ABLIM2: variants seen among roughly 807,000 people sequenced by gnomAD.
ABLIM2 encodes actin binding LIM protein family member 2, also known as actin-binding LIM protein 2.
ABLIM2 carries 53 observed loss-of-function variants against 97.7 expected under a neutral mutation model. The observed-to-expected ratio is 0.54, with a 90% confidence interval of 0.44 to 0.68. ABLIM2 has a LOEUF of 0.68. Ranked by LOEUF, ABLIM2 falls within the 30% of genes least tolerant of loss-of-function variation. The pLI is 0.00. For synonymous variants in ABLIM2, 361 were observed against 345.8 expected, an observed-to-expected ratio of 1.04 and a Z score of -0.49; for missense variants, 835 against 867.2, an observed-to-expected ratio of 0.96 and a Z score of 0.47.
chr4:8,076,578 C>T (rs1006301880), intron 6 of ABLIM2, among the ~76,000 whole-genome samples: 11 of 151,988 alleles, frequency 7.2e-5, no homozygotes, highest in Non-Finnish European at 1.5e-5. Flanking sequence ...GCAACCTCCT[C>T]GAGAGGGGCT....
intron 17 of ABLIM2, among the ~76,000 whole-genome samples, chr4:7,991,964 G>C (rs1749102364): frequency 6.6e-6 from 1 of 152,204 alleles, no homozygotes. Context: ...GCGCAACAAA[G>C]AGGGGGCCAG....
chr4:8,040,610 CA>C (rs58125904), intron 9 of ABLIM2, among the ~76,000 whole-genome samples: 36,671 of 132,228 alleles, frequency 0.28, 4,893 homozygotes, highest in East Asian at 0.48. Context: ...GACTCCATTT[CA>C]AAAAAAAAAA....
At chr4:8,142,770 A>G (rs1231552268) in intron 1 of ABLIM2, among the ~76,000 whole-genome samples, 2 of 152,192 alleles carry the variant, frequency 1.3e-5, no homozygotes, top group Non-Finnish European at 2.9e-5. Context: ...CACTTCCTGC[A>G]ATTGTGCAGC....
At chr4:8,073,177 T>C (rs572460748) in intron 6 of ABLIM2, among the ~76,000 whole-genome samples, 4 of 145,780 alleles carry the variant, frequency 2.7e-5, no homozygotes, top group African/African-American at 1.0e-4. Flanking sequence ...GAGGGGGCGA[T>C]GGCCAGAGCG....
At chr4:8,078,323 C>A (rs749855190) in intron 5 of ABLIM2, among the ~76,000 whole-genome samples, 1 of 152,232 alleles carries the variant, frequency 6.6e-6, no homozygotes, top group Non-Finnish European at 1.5e-5. Flanking sequence ...TGCACGTATG[C>A]GTCCATCCCC....
intron 14 of ABLIM2, among the ~76,000 whole-genome samples, chr4:8,017,914 A>G (rs760585480): frequency 2.0e-5 from 3 of 152,062 alleles, no homozygotes; most frequent in Non-Finnish European, 4.4e-5. Context: ...AATTGCTTGA[A>G]GCCAAGAGGC....
intron 7 of ABLIM2, among the ~76,000 whole-genome samples, chr4:8,059,451 C>T (rs1801438419): frequency 6.6e-6 from 1 of 152,052 alleles, no homozygotes. Context: ...ACCGGAAGTC[C>T]CTGGGTCTCT....
In ABLIM2 at chr4:8,147,779, G is replaced by A. The variant is rs924896043; in HGVS notation, c.10+10901C>T. 6.6e-6 allele frequency among the ~76,000 whole-genome samples: 1 copy of A among 152,228 alleles called. No individual in the cohort carries two copies. The highest frequency in any genetic ancestry group is 1.5e-5 in the Non-Finnish European group (1 of 68,044). ...TTGAACTGCTGGCCTCCAGAGCTGG[G>A]AGGAAATGCCTTCTCTTGCTTTAAG... On this transcript the variant is annotated intron_variant, in intron 1 of 20. Coordinates refer to ENST00000447017, the MANE Select transcript of ABLIM2 (RefSeq NM_001130083.2). This position sits in a 1 kb window ranked among gnomAD's most constrained non-coding sequence, Gnocchi z 5.3.
chr4:8,040,569 C>A (rs1560870558), intron 9 of ABLIM2, among the ~76,000 whole-genome samples: 1 of 151,594 alleles, frequency 6.6e-6, no homozygotes, highest in Non-Finnish European at 1.5e-5. Flanking sequence ...CAAGATCGTG[C>A]CACTGCACTC....
In ABLIM2 at chr4:8,033,115, G is replaced by A. The variant is rs1782011760; in HGVS notation, c.1047+3034C>T. ...GAGGGTGACCAGAAGCCTTTGGGTTGGAGACGGCTCTGCCGTGGGGGTCCT... is the reference window on the plus strand; with the variant it reads ...GAGGGTGACCAGAAGCCTTTGGGTTAGAGACGGCTCTGCCGTGGGGGTCCT... On this transcript the variant is annotated intron_variant, in intron 10 of 20. Coordinates refer to ENST00000447017, the MANE Select transcript of ABLIM2 (RefSeq NM_001130083.2). This position sits in a 1 kb window ranked among gnomAD's most constrained non-coding sequence, Gnocchi z 4.5. 6.6e-6 allele frequency among the ~76,000 whole-genome samples: 1 copy of A among 152,218 alleles called. No individual in the cohort carries two copies. The highest frequency in any genetic ancestry group is 1.5e-5 in the Non-Finnish European group (1 of 68,036).
rs949359052 is a variant in ABLIM2 at position 8,150,338 on chromosome 4, C to G, written c.10+8342G>C. On this transcript the variant is annotated intron_variant, in intron 1 of 20. Coordinates refer to ENST00000447017, the MANE Select transcript of ABLIM2 (RefSeq NM_001130083.2). This position sits in a 1 kb window ranked among gnomAD's most constrained non-coding sequence, Gnocchi z 6.3. ...ATGCTGAACTGGGGACGGAGTTCCA[C>G]CCATCACACATCCTCCACTCCTTGG... is the stretch of plus-strand genomic sequence containing the variant. Among the ~76,000 whole-genome samples the G allele has an allele frequency of 6.6e-6, 1 of 152,156 alleles. No individual in the cohort carries two copies. Among genetic ancestry groups the G allele is most frequent in the Non-Finnish European group, 1.5e-5 (1 of 68,028 alleles).
intron 1 of ABLIM2, among the ~76,000 whole-genome samples, chr4:8,139,110 T>C (rs568933652): frequency 3.1e-4 from 47 of 152,170 alleles, no homozygotes; most frequent in Admixed American, 2.7e-3. Flanking sequence ...GGCAGGAGAA[T>C]TGCTTGAACC....
rs1561291564 is a variant in ABLIM2, at chr4:8,087,675, A to ACATTAGATGGGAAAGCAGCAGTGGG, written c.454+469_454+493dup. Reference sequence around the variant, plus strand: ...TAGAGCTGGGCAAAAGCAGCAGTGGACATTAGATGGGAAAGCAGCAGTGGG... The same window carrying ACATTAGATGGGAAAGCAGCAGTGGG: ...TAGAGCTGGGCAAAAGCAGCAGTGGACATTAGATGGGAAAGCAGCAGTGGGCATTAGATGGGAAAGCAGCAGTGGG... On this transcript the variant is annotated intron_variant, in intron 4 of 20. Coordinates refer to ENST00000447017, the MANE Select transcript of ABLIM2 (RefSeq NM_001130083.2). This position sits in a 1 kb window ranked among gnomAD's most constrained non-coding sequence, Gnocchi z 4.6. Among the ~76,000 whole-genome samples, 1 of 151,998 alleles carries ACATTAGATGGGAAAGCAGCAGTGGG rather than the reference A, an allele frequency of 6.6e-6. No individual in the cohort carries two copies. Among genetic ancestry groups the ACATTAGATGGGAAAGCAGCAGTGGG allele is most frequent in the East Asian group, 1.9e-4 (1 of 5,168 alleles).
chr4:8,033,570 T>G lies in ABLIM2; in HGVS notation c.1047+2579A>C, dbSNP rs1016245183. Among the ~76,000 whole-genome samples, 1 of 152,126 alleles carries G rather than the reference T, an allele frequency of 6.6e-6. No individual in the cohort carries two copies. Among genetic ancestry groups the G allele is most frequent in the Non-Finnish European group, 1.5e-5 (1 of 68,006 alleles). Reference sequence around the variant, plus strand: ...GCAGGCCCCATGGGGTCGCACTTTATGGCTGAGAGCGGAAGCTCACACACA... The same window carrying G: ...GCAGGCCCCATGGGGTCGCACTTTAGGGCTGAGAGCGGAAGCTCACACACA... On this transcript the variant is annotated intron_variant, in intron 10 of 20. Transcript: ENST00000447017. The surrounding 1 kb of genome is among the most constrained non-coding windows in gnomAD (Gnocchi z 4.5).
Position 8,130,930 on chromosome 4 carries a change from C to A in ABLIM2, c.11-24293G>T, listed in dbSNP as rs1849265228. Among the ~76,000 whole-genome samples, 2 of 152,128 alleles carry A rather than the reference C, an allele frequency of 1.3e-5. No homozygotes were observed. Among genetic ancestry groups the A allele is most frequent in the South Asian group, 4.1e-4 (2 of 4,820 alleles). ...ACGGCAAGGTGGCCCCAGGGCTGAGCTCCCCCAAAGGCTCTAGGGGAGGCT... is the reference window on the plus strand; with the variant it reads ...ACGGCAAGGTGGCCCCAGGGCTGAGATCCCCCAAAGGCTCTAGGGGAGGCT... On this transcript the variant is annotated intron_variant, in intron 1 of 20. Coordinates refer to ENST00000447017, the MANE Select transcript of ABLIM2 (RefSeq NM_001130083.2). The surrounding 1 kb of genome is among the most constrained non-coding windows in gnomAD (Gnocchi z 4.2).
Position 7,999,475 on chromosome 4 carries a change from T to C in ABLIM2, c.1619-6548A>G, listed in dbSNP as rs1755593897. 6.6e-6 allele frequency among the ~76,000 whole-genome samples: 1 copy of C among 152,206 alleles called. No homozygotes were observed. The highest frequency in any genetic ancestry group is 6.5e-5 in the Admixed American group (1 of 15,278). The stretch of plus-strand genomic sequence containing the variant: ...ATGAGGAAGCTGAGACCTAATGATA[T>C]CAAGCGATCTGTTCAAGGTCAAACA... On this transcript the variant is annotated intron_variant, in intron 16 of 20. Coordinates refer to ENST00000447017, the MANE Select transcript of ABLIM2 (RefSeq NM_001130083.2). This position sits in a 1 kb window ranked among gnomAD's most constrained non-coding sequence, Gnocchi z 4.4.
chr4:8,005,422 G>C lies in ABLIM2; in HGVS notation c.1618+2637C>G, dbSNP rs762749517. ...ACCTTCCTTGGGCGCGCTACAGATG[G>C]ACGTCCCGGGGTGCAGGTGGCGTGC... On this transcript the variant is annotated intron_variant, in intron 16 of 20. Coordinates refer to ENST00000447017, the MANE Select transcript of ABLIM2 (RefSeq NM_001130083.2). This position sits in a 1 kb window ranked among gnomAD's most constrained non-coding sequence, Gnocchi z 4.9. 1 of 533,454 alleles carries C rather than the reference G, an allele frequency of 1.9e-6. No homozygotes were observed. Among genetic ancestry groups the C allele is most frequent in the South Asian group, 1.4e-5 (1 of 71,540 alleles). 33.0% of individuals were successfully genotyped at this position (533,454 alleles called of 1,614,324 possible). A position where few individuals can be genotyped will look rare whatever the true frequency, so the allele number is the denominator to read the frequency against.
Position 8,149,935 on chromosome 4 carries a change from C to T in ABLIM2, c.10+8745G>A, listed in dbSNP as rs1034654006. Among the ~76,000 whole-genome samples, 3 of 152,070 alleles carry T rather than the reference C, an allele frequency of 2.0e-5. No individual in the cohort carries two copies. The highest frequency in any genetic ancestry group is 1.9e-4 in the East Asian group (1 of 5,174). ...TCCCCACTTGCCAGAGTGGTGGCCC[C>T]CATCCAAATGCCCCCTCCTGGCTTC... is the stretch of plus-strand genomic sequence containing the variant. On this transcript the variant is annotated intron_variant, in intron 1 of 20. Coordinates refer to ENST00000447017, the MANE Select transcript of ABLIM2 (RefSeq NM_001130083.2). The surrounding 1 kb of genome is among the most constrained non-coding windows in gnomAD (Gnocchi z 6.4).
rs1822839538 is a variant in ABLIM2 at position 8,085,455 on chromosome 4, G to A, written c.454+2714C>T. Reference sequence around the variant, plus strand: ...CATTCCCATTCCCCGCCCCCACGCTGCAGCCCCGTCCACTCACACGGGTCT... The same window carrying A: ...CATTCCCATTCCCCGCCCCCACGCTACAGCCCCGTCCACTCACACGGGTCT... On this transcript the variant is annotated intron_variant, in intron 4 of 20. Coordinates refer to ENST00000447017, the MANE Select transcript of ABLIM2 (RefSeq NM_001130083.2). This position sits in a 1 kb window ranked among gnomAD's most constrained non-coding sequence, Gnocchi z 6.1. Among the ~76,000 whole-genome samples, 2 of 152,104 alleles carry A rather than the reference G, an allele frequency of 1.3e-5. No individual in the cohort carries two copies. The highest frequency in any genetic ancestry group is 1.3e-4 in the Admixed American group (2 of 15,282).
Sources: allele counts gnomAD v4.1 joint callset (sites outside exome capture counted in the v4.1 genomes callset), GRCh38; gene constraint gnomAD v4.1.1; non-coding constraint Gnocchi (gnomAD v3.1); transcripts MANE v1.5; gene names NCBI Gene and HGNC (gene_info 2026-07-23, HGNC 2026-07-21).